Variants in CACNA2D1 observed in about 807,000 individuals in gnomAD.
The protein encoded by CACNA2D1 is calcium voltage-gated channel auxiliary subunit alpha2delta 1.
CACNA2D1 carries 53 observed loss-of-function variants against 171.5 expected under a neutral mutation model. The observed-to-expected ratio is 0.31, with a 90% CI of 0.25 to 0.39. The LOEUF (loss-of-function observed/expected upper bound fraction) is 0.39. CACNA2D1 is among the 10% of genes least tolerant of loss of function. CACNA2D1 has a pLI of 1.00. For missense variants in CACNA2D1, 903 were observed against 1,299.8 expected, an observed-to-expected ratio of 0.69 and a Z score of 4.69; for synonymous variants, 442 against 443.1, an observed-to-expected ratio of 1.00 and a Z score of 0.03.
intron 3 of CACNA2D1, among the ~76,000 whole-genome samples, chr7:82,323,433 G>A (rs559677114): frequency 2.6e-5 from 4 of 152,170 alleles, no homozygotes; most frequent in African/African-American, 9.7e-5. Context: ...AGAATCCCAA[G>A]TTCTGGTTCT....
Position 81,957,739 on chromosome 7 carries a change from C to T in CACNA2D1, c.3159+1536G>A, listed in dbSNP as rs147006074. On this transcript the variant is annotated intron_variant, in intron 38 of 38. Transcript: ENST00000356860. ...AAAGAAACACAAGATATTATTAGCA[C>T]ACCAAGCTACTGAGCAACAGTTGTA... Among the ~76,000 whole-genome samples, 3 of 152,228 alleles carry T rather than the reference C, an allele frequency of 2.0e-5. No individual in the cohort carries two copies. In the East Asian group the frequency reaches 5.8e-4, roughly 29 times the overall value.
chr7:82,241,610 T>C (rs550756112), intron 3 of CACNA2D1, among the ~76,000 whole-genome samples: 1 of 151,758 alleles, frequency 6.6e-6, no homozygotes, highest in Admixed American at 6.6e-5. Context: ...GATCCTAATC[T>C]CCTAATTATT....
chr7:81,970,940 A>G, intron 26 of CACNA2D1: 1 of 557,176 alleles, frequency 1.8e-6, no homozygotes, highest in South Asian at 2.0e-5. Context: ...GGAAATAATG[A>G]CTGAGGTGCA....
chr7:81,971,889 TAC>T, intron 25 of CACNA2D1, 25 bp from the exon 26 acceptor site: 1 of 1,330,250 alleles, frequency 7.5e-7, no homozygotes, highest in Non-Finnish European at 1.1e-6. Context: ...GATCATCAGT[TAC>T]ACTCACATTT....
intron 1 of CACNA2D1, among the ~76,000 whole-genome samples, chr7:82,442,918 G>T (rs1830613849): frequency 6.6e-6 from 1 of 152,230 alleles, no homozygotes; most frequent in Admixed American, 6.5e-5. Flanking sequence ...GAGGCCAAGT[G>T]CGGGGGAAGT....
intron 5 of CACNA2D1, among the ~76,000 whole-genome samples, chr7:82,130,787 TTGTC>T (rs1790867287): frequency 7.2e-6 from 1 of 138,476 alleles, no homozygotes; most frequent in African/African-American, 2.6e-5. Context: ...GTTGTTGTTT[TTGTC>T]TTTTTTTTTT....
intron 38 of CACNA2D1, among the ~76,000 whole-genome samples, chr7:81,956,883 ATC>A (rs1307713621): frequency 6.6e-6 from 1 of 152,138 alleles, no homozygotes; most frequent in Non-Finnish European, 1.5e-5. Context: ...GACCCAAAAC[ATC>A]TCTTTAGTAG....
At position 82,053,810 on chromosome 7, in the gene CACNA2D1, G is replaced by A. The variant is rs113789173; in HGVS notation, c.879+6618C>T. Among the ~76,000 whole-genome samples, 998 of 152,266 alleles carry A rather than the reference G, an allele frequency of 6.6e-3. 15 individuals are homozygous for A. The highest frequency in any genetic ancestry group is 0.023 in the African/African-American group (952 of 41,548). On this transcript the variant is annotated intron_variant, in intron 10 of 38. Coordinates refer to ENST00000356860, the MANE Select transcript of CACNA2D1 (RefSeq NM_000722.4). ...AACTTTTAACTTGAGGTACTGAGGTGCATACTTCCAGGTGAAATGTATTCC... is the reference window on the plus strand; with the variant it reads ...AACTTTTAACTTGAGGTACTGAGGTACATACTTCCAGGTGAAATGTATTCC...
At position 82,434,927 on chromosome 7, in the gene CACNA2D1, T is replaced by C. The variant is rs565668407; in HGVS notation, c.95+8438A>G. Among the ~76,000 whole-genome samples the C allele has an allele frequency of 3.3e-5, 5 of 152,226 alleles. No homozygotes were observed. In the South Asian group the frequency reaches 1.0e-3, roughly 32 times the overall value. ...CTTCTTTTGAAACTCAGTGTCTATCTTAGTAGATTATAGATAAATATGAGT... is the reference window on the plus strand; with the variant it reads ...CTTCTTTTGAAACTCAGTGTCTATCCTAGTAGATTATAGATAAATATGAGT... On this transcript the variant is annotated intron_variant, in intron 1 of 38. Coordinates refer to ENST00000356860, the MANE Select transcript of CACNA2D1 (RefSeq NM_000722.4).
intron 1 of CACNA2D1, among the ~76,000 whole-genome samples, chr7:82,393,730 C>A (rs1435785625): frequency 6.6e-6 from 1 of 152,058 alleles, no homozygotes; most frequent in African/African-American, 2.4e-5. Context: ...ATGATATAAA[C>A]AAGACAGGAT....
In CACNA2D1 at chr7:81,980,172, C is replaced by CAAAAAAAAAAAAAA. The variant is rs35616922; in HGVS notation, c.1955+2381_1955+2394dup. On this transcript the variant is annotated intron_variant, in intron 24 of 38. Coordinates refer to ENST00000356860, the MANE Select transcript of CACNA2D1 (RefSeq NM_000722.4). ...AAAAGAAGGTAAAACTAAAACCAAG[C>CAAAAAAAAAAAAAA]AAAAAAAAAAAAAAAAAAAAAAAAA... 7.9e-4 allele frequency among the ~76,000 whole-genome samples: 20 copies of CAAAAAAAAAAAAAA among 25,254 alleles called. 1 individual carries two copies. The highest frequency in any genetic ancestry group is 1.4e-3 in the African/African-American group (9 of 6,460). The allele number at this position is 25,254 out of a possible 152,430, so 16.6% of individuals were successfully genotyped here. A position where few individuals can be genotyped will look rare whatever the true frequency, so the allele number is the denominator to read the frequency against.
intron 3 of CACNA2D1, among the ~76,000 whole-genome samples, chr7:82,270,263 C>G (rs983287656): frequency 2.6e-5 from 4 of 152,096 alleles, no homozygotes; most frequent in Non-Finnish European, 5.9e-5. Flanking sequence ...CAAAAGGTAG[C>G]TATTGTCATG....
intron 11 of CACNA2D1, among the ~76,000 whole-genome samples, chr7:82,037,397 T>C (rs1803420431): frequency 6.6e-6 from 1 of 152,032 alleles, no homozygotes; most frequent in South Asian, 2.1e-4. Flanking sequence ...GAAAATCGCT[T>C]GCACCCAGGA....
intron 12 of CACNA2D1, among the ~76,000 whole-genome samples, chr7:82,021,585 C>G (rs1363411199): frequency 6.6e-6 from 1 of 151,998 alleles, no homozygotes; most frequent in Non-Finnish European, 1.5e-5. Flanking sequence ...GAGCACCTAC[C>G]ATGCATCAAG....
At chr7:82,435,958 A>G (rs1294716159) in intron 1 of CACNA2D1, among the ~76,000 whole-genome samples, 1 of 152,068 alleles carries the variant, frequency 6.6e-6, no homozygotes, top group Non-Finnish European at 1.5e-5. Flanking sequence ...CAAAGAACAG[A>G]CCACGTTTCT....
chr7:82,240,890 C>T (rs983597469), intron 3 of CACNA2D1, among the ~76,000 whole-genome samples: 2 of 151,998 alleles, frequency 1.3e-5, no homozygotes, highest in Non-Finnish European at 2.9e-5. Context: ...TCACTTGAAC[C>T]CGAGAGGTGG....
At chr7:82,309,596 T>C (rs1420598917) in intron 3 of CACNA2D1, among the ~76,000 whole-genome samples, 1 of 152,204 alleles carries the variant, frequency 6.6e-6, no homozygotes. Flanking sequence ...TCTAAAGCTG[T>C]AAACGCTGGC....
chr7:82,202,237 G>A (rs868512398), intron 3 of CACNA2D1, among the ~76,000 whole-genome samples: 9 of 152,176 alleles, frequency 5.9e-5, no homozygotes, highest in East Asian at 1.9e-4. Flanking sequence ...ACTTGCTGGC[G>A]CCCAGAGAAA....
intron 11 of CACNA2D1, among the ~76,000 whole-genome samples, chr7:82,036,658 A>G (rs1398962169): frequency 6.6e-6 from 1 of 152,158 alleles, no homozygotes; most frequent in African/African-American, 2.4e-5. Context: ...GTTTACTTCT[A>G]TAATTCCAGC....
Sources: gnomAD v4.1 joint callset for allele counts (sites outside exome capture counted in the v4.1 genomes callset) on GRCh38, gnomAD v4.1.1 for gene constraint, MANE v1.5 for transcripts, NCBI Gene and HGNC (gene_info 2026-07-23, HGNC 2026-07-21) for gene names.